Variants in USP9X observed in about 807,000 individuals in gnomAD.
USP9X encodes ubiquitin carboxyl-terminal hydrolase 9X.
USP9X carries 7 observed loss-of-function variants against 190.3 expected under a neutral mutation model. That is an observed-to-expected ratio of 0.04 (90% confidence interval 0.02 to 0.07). USP9X has a LOEUF of 0.07. USP9X is among the 10% of genes least tolerant of loss of function. USP9X has a pLI of 1.00. For synonymous variants in USP9X, 645 were observed against 659.5 expected (o/e 0.98, Z 0.34); for missense variants, 1,010 against 1,916.9 (o/e 0.53, Z 8.83).
At chrX:41,147,935 G>T (rs1000838547) in intron 11 of USP9X, among the ~76,000 whole-genome samples, 1 of 111,303 alleles carries the variant, frequency 9.0e-6, no homozygotes, top group Non-Finnish European at 1.9e-5. Flanking sequence ...AAGAGGCATG[G>T]TGCCAGCTTA....
At chrX:41,180,295 G>C (rs2062814482) in intron 21 of USP9X, among the ~76,000 whole-genome samples, 1 of 112,359 alleles carries the variant, frequency 8.9e-6, no homozygotes, top group Non-Finnish European at 1.9e-5. Flanking sequence ...AATAGTCCTT[G>C]CAGTGCTTTA....
intron 38 of USP9X, among the ~76,000 whole-genome samples, chrX:41,221,192 G>A (rs2063260435): frequency 9.0e-6 from 1 of 110,656 alleles, no homozygotes; most frequent in African/African-American, 3.3e-5. Context: ...AACCCAGAAG[G>A]CGGAGGTTGC....
At chrX:41,124,432 A>G (rs1951093636) in intron 2 of USP9X, among the ~76,000 whole-genome samples, 2 of 111,842 alleles carry the variant, frequency 1.8e-5, no homozygotes, top group South Asian at 7.5e-4. Context: ...TGACAGAGCA[A>G]GACTCCATCT....
chrX:41,178,908 T>A (rs1271676676), intron 21 of USP9X, among the ~76,000 whole-genome samples: 1 of 112,200 alleles, frequency 8.9e-6, no homozygotes, highest in African/African-American at 3.2e-5. Flanking sequence ...AATAGGGGTT[T>A]AGTTTCATTT....
chrX:41,116,936 G>T (rs990517822), intron 1 of USP9X, among the ~76,000 whole-genome samples: 3 of 111,754 alleles, frequency 2.7e-5, no homozygotes, highest in African/African-American at 9.8e-5. Flanking sequence ...ATTGCTCCAT[G>T]CCTATTTCCT....
chrX:41,148,579 A>G lies in USP9X; in HGVS notation c.1626+4A>G. The G allele has an allele frequency of 5.8e-6, 7 of 1,208,749 alleles. No individual in the cohort carries two copies. Among genetic ancestry groups the G allele is most frequent in the Non-Finnish European group, 6.7e-6 (6 of 893,107 alleles). On this transcript the variant is annotated splice_donor_region_variant and intron_variant, in intron 12 of 44. Transcript: ENST00000378308. Reference sequence around the variant, plus strand: ...ACTAGATTACAGTTGCTCCCAGGTAAGAGTGTACTGCTTTGCTCACTTTTT... The same window carrying G: ...ACTAGATTACAGTTGCTCCCAGGTAGGAGTGTACTGCTTTGCTCACTTTTT...
At chrX:41,147,767 T>G (rs1010592772) in intron 11 of USP9X, among the ~76,000 whole-genome samples, 1 of 112,371 alleles carries the variant, frequency 8.9e-6, no homozygotes, top group African/African-American at 3.2e-5. Context: ...TAATCGTTCT[T>G]CTGCTGTTTG....
intron 36 of USP9X, among the ~76,000 whole-genome samples, chrX:41,217,557 CT>C (rs2063223603): frequency 9.0e-6 from 1 of 111,395 alleles, no homozygotes; most frequent in South Asian, 3.7e-4. Flanking sequence ...CTTCTATTAC[CT>C]TGTATCATAT....
At chrX:41,146,664 C>CTTTTTTTTTTT in intron 11 of USP9X, among the ~76,000 whole-genome samples, 1 of 50,365 alleles carries the variant, frequency 2.0e-5, no homozygotes, top group Non-Finnish European at 3.5e-5. Flanking sequence ...AGCTATTTGC[C>CTTTTTTTTTTT]TTTTTTTTTT....
At chrX:41,086,144 C>A in intron 1 of USP9X, 35 bp downstream of exon 1, 1 of 296,089 alleles carries the variant, frequency 3.4e-6, no homozygotes, top group Non-Finnish European at 5.9e-6. Context: ...GACGCTCTTT[C>A]CCGGGGCCAA....
chrX:41,099,096 G>GTTTTTTTTTTTTTTTTTTT lies in USP9X; in HGVS notation c.-159+12995_-159+13013dup, dbSNP rs34179321. Among the ~76,000 whole-genome samples, 6 of 44,266 alleles carry GTTTTTTTTTTTTTTTTTTT rather than the reference G, an allele frequency of 1.4e-4. 1 individual carries two copies. Among genetic ancestry groups the GTTTTTTTTTTTTTTTTTTT allele is most frequent in the African/African-American group, 2.0e-4 (2 of 9,930 alleles). The allele number at this position is 44,266 out of a possible 115,157, so 38.4% of individuals were successfully genotyped here. A position where few individuals can be genotyped will look rare whatever the true frequency, so the allele number is the denominator to read the frequency against. ...CACATGCCATAATGCCCAGATAATT[G>GTTTTTTTTTTTTTTTTTTT]TTTTTTTTTTTTTTTTTTTTTTTTT... On this transcript the variant is annotated intron_variant, in intron 1 of 44. Coordinates refer to ENST00000378308, the MANE Select transcript of USP9X (RefSeq NM_001039591.3).
chrX:41,224,644 T>TA lies in USP9X; in HGVS notation c.6752-89dup, dbSNP rs11380110. ...GAGCGAGACTCCATCTTAAAAAAAA[T>TA]AAAAAAAAATTATAGGCTATTTTCT... On this transcript the variant is annotated intron_variant, in intron 39 of 44. Transcript: ENST00000378308. 7.8e-3 allele frequency: 6,196 copies of TA among 798,018 alleles called. 223 individuals carry two copies. In the African/African-American group the frequency reaches 0.12, roughly 15 times the overall value. 65.8% of individuals were successfully genotyped at this position (798,018 alleles called of 1,213,427 possible). A position where few individuals can be genotyped will look rare whatever the true frequency, so the allele number is the denominator to read the frequency against.
intron 1 of USP9X, among the ~76,000 whole-genome samples, chrX:41,103,584 T>G (rs1371580597): frequency 8.9e-6 from 1 of 112,633 alleles, no homozygotes; most frequent in Non-Finnish European, 1.9e-5. Flanking sequence ...TCACGTTATA[T>G]TAATAGTTTT....
chrX:41,209,188 C>T (rs1196242376), intron 32 of USP9X, among the ~76,000 whole-genome samples: 1 of 111,340 alleles, frequency 9.0e-6, no homozygotes, highest in Non-Finnish European at 1.9e-5. Context: ...GTATATATTC[C>T]GATTTCCCAA....
chrX:41,156,087 G>C lies in USP9X; in HGVS notation c.1897+3006G>C, dbSNP rs145439892. On this transcript the variant is annotated intron_variant, in intron 14 of 44. Transcript: ENST00000378308. The stretch of plus-strand genomic sequence containing the variant: ...GAATGGCAGAATAAAATGTTCAGCA[G>C]ACCTTAACAAAACAACCATTTAACC... Among the ~76,000 whole-genome samples the C allele has an allele frequency of 5.2e-3, 587 of 112,584 alleles. 3 individuals carry two copies. The highest frequency in any genetic ancestry group is 8.1e-3 in the Non-Finnish European group (434 of 53,304).
chrX:41,104,491 C>T (rs2062055287), intron 1 of USP9X, among the ~76,000 whole-genome samples: 1 of 112,205 alleles, frequency 8.9e-6, no homozygotes, highest in Non-Finnish European at 1.9e-5. Flanking sequence ...TGAGGCTGTT[C>T]ATTTATTTAA....
At chrX:41,178,161 C>T (rs910218219) in intron 21 of USP9X, among the ~76,000 whole-genome samples, 3 of 81,108 alleles carry the variant, frequency 3.7e-5, no homozygotes, top group Admixed American at 1.8e-4. Flanking sequence ...AGTGCAGTGG[C>T]GTGATTTCGG....
At chrX:41,180,700 A>G (rs1144690) in intron 21 of USP9X, among the ~76,000 whole-genome samples, 9 of 112,051 alleles carry the variant, frequency 8.0e-5, no homozygotes, top group Non-Finnish European at 1.7e-4. Flanking sequence ...AAATGAAACA[A>G]TGTATGGAAA....
At position 41,198,612 on chromosome X, in the gene USP9X, A is replaced by G. The variant is rs2063011137; in HGVS notation, c.4465A>G (p.Ile1489Val). 3 of 1,211,790 alleles carry G rather than the reference A, an allele frequency of 2.5e-6. No individual in the cohort carries two copies. The highest frequency in any genetic ancestry group is 3.4e-6 in the Non-Finnish European group (3 of 895,276). ...TGGAGAGCTTCCAGCTGAACAGGCT[A>G]TTCCGGTCTGTGGTTCACCACCTAC... is the stretch of plus-strand genomic sequence containing the variant. ...RNGELPAEQA[I>V]PVCGSPPTIN... The change falls in exon 30 of 45, where the codon ATT becomes GTT. Residue 1489 changes from isoleucine (I) to valine (V), a missense_variant. By Grantham distance (29) the Ile-to-Val change is conservative. Around this residue, in one of 11 missense-constraint regions of USP9X, gnomAD observed 351 missense variants for 480.8 expected, o/e 0.73. Coordinates refer to ENST00000378308, the MANE Select transcript of USP9X (RefSeq NM_001039591.3).
Sources: allele counts gnomAD v4.1 joint callset (sites outside exome capture counted in the v4.1 genomes callset), GRCh38; gene constraint gnomAD v4.1.1; regional missense constraint gnomAD v4.1.1; transcripts MANE v1.5; gene names NCBI Gene and HGNC (gene_info 2026-07-23, HGNC 2026-07-21).